The following ZNF184 variants were observed in gnomAD, a reference collection of about 807,000 sequenced individuals.
ZNF184 encodes zinc finger protein 184 (Kruppel-like).
Under a neutral mutation model 54.4 loss-of-function variants are expected in ZNF184, and 16 were observed. The ratio of observed to expected loss-of-function variants is 0.29; its 90% CI spans 0.20 to 0.45. The LOEUF is 0.45. Among genes scored for constraint, ZNF184 ranks in the 20% least tolerant of loss-of-function variants. The pLI is 1.00. For missense variants in ZNF184, 681 were observed against 888.2 expected, an observed-to-expected ratio of 0.77 and a Z score of 2.97; for synonymous variants, 254 against 295.3, an observed-to-expected ratio of 0.86 and a Z score of 1.43.
At chr6:27,420,694 G>A in the ZNF184 span, among the ~76,000 whole-genome samples, 122 of 152,284 alleles carry the variant, frequency 8.0e-4, no homozygotes, top group African/African-American at 2.9e-3. Flanking sequence ...ATTCATTGCC[G>A]GTAGAGATGC....
chr6:27,462,707 G>C (rs7764634), intron 3 of ZNF184, among the ~76,000 whole-genome samples: 1 of 150,272 alleles, frequency 6.7e-6, no homozygotes, highest in Non-Finnish European at 1.5e-5. Context: ...TACTAAAAGT[G>C]CAAAAAAATT....
At chr6:27,465,170 AAAAGAAAAG>A (rs1315624911) in intron 3 of ZNF184, among the ~76,000 whole-genome samples, 7 of 138,890 alleles carry the variant, frequency 5.0e-5, no homozygotes, top group African/African-American at 1.7e-4. Context: ...ATTTAAAAAA[AAAAGAAAAG>A]AAAAGAAAAG....
chr6:27,411,330 G>A, the ZNF184 span, among the ~76,000 whole-genome samples: 1 of 152,150 alleles, frequency 6.6e-6, no homozygotes, highest in Non-Finnish European at 1.5e-5. Context: ...CCACAATGGG[G>A]ATTAAGTTTC....
chr6:27,456,214 C>G (rs112037188), intron 5 of ZNF184, among the ~76,000 whole-genome samples: 1 of 151,438 alleles, frequency 6.6e-6, no homozygotes, highest in African/African-American at 2.4e-5. Flanking sequence ...GCCAAGATTA[C>G]GCCACTGCAC....
the ZNF184 span, among the ~76,000 whole-genome samples, chr6:27,415,123 C>G: frequency 1.3e-5 from 2 of 152,202 alleles, no homozygotes; most frequent in Non-Finnish European, 2.9e-5. Flanking sequence ...GTTGTAATCT[C>G]AGGCTATTGA....
Position 27,451,733 on chromosome 6 carries a change from G to A in ZNF184, c.1826C>T (p.Thr609Ile). The part of the protein sequence containing the change: ...IHLTQHKRIH[T>I]GAKPYECAEC... ...AGCACACTCATAAGGCTTGGCTCCT[G>A]TATGAATTCTCTTATGCTGTGTAAG... The change falls in exon 6 of 6, where the codon ACA (threonine) becomes ATA (isoleucine). Residue 609 changes from threonine to isoleucine, a missense_variant. By Grantham distance (89) the Thr-to-Ile change is moderately conservative. Coordinates refer to ENST00000683788, the MANE Select transcript of ZNF184 (RefSeq NM_001318891.2). 1 of 1,613,940 alleles carries A rather than the reference G, an allele frequency of 6.2e-7. No homozygotes were observed. Among genetic ancestry groups the A allele is most frequent in the Non-Finnish European group, 8.5e-7 (1 of 1,179,918 alleles).
intron 5 of ZNF184, 133 bp downstream of exon 5, chr6:27,456,693 G>T (rs759980065): frequency 2.2e-5 from 16 of 740,884 alleles, no homozygotes; most frequent in Middle Eastern, 2.4e-4. Flanking sequence ...CCAGAAAACA[G>T]ATGTTTTCCC....
At chr6:27,420,210 T>C in the ZNF184 span, among the ~76,000 whole-genome samples, 4 of 152,190 alleles carry the variant, frequency 2.6e-5, no homozygotes, top group African/African-American at 7.2e-5. Context: ...ATTATAATAT[T>C]CCCAGGTACC....
chr6:27,448,764 CT>C (rs10603749), downstream of ZNF184, among the ~76,000 whole-genome samples: 85,837 of 150,070 alleles, frequency 0.57, 24,832 homozygotes, highest in Middle Eastern at 0.73. Context: ...AATGCATTTC[CT>C]TTTTTTTTTT....
the ZNF184 span, among the ~76,000 whole-genome samples, chr6:27,424,353 G>C: frequency 6.6e-6 from 1 of 152,140 alleles, no homozygotes; most frequent in Non-Finnish European, 1.5e-5. Flanking sequence ...CTTCCACAGG[G>C]TACAAGGAAA....
intron 3 of ZNF184, among the ~76,000 whole-genome samples, chr6:27,461,151 G>A (rs1036755198): frequency 6.6e-5 from 10 of 152,156 alleles, no homozygotes; most frequent in African/African-American, 2.4e-4. Context: ...AGGCCAATGT[G>A]ATCAGCAACC....
chr6:27,436,813 C>G, the ZNF184 span, among the ~76,000 whole-genome samples: 7,321 of 152,212 alleles, frequency 0.048, 255 homozygotes, highest in Non-Finnish European at 0.072. Flanking sequence ...GGATCGTGAC[C>G]AGCTCAGTAC....
At chr6:27,422,952 C>T in the ZNF184 span, among the ~76,000 whole-genome samples, 1 of 152,218 alleles carries the variant, frequency 6.6e-6, no homozygotes, top group Non-Finnish European at 1.5e-5. Flanking sequence ...GGTCCCGCAT[C>T]CCCTTTAATA....
chr6:27,419,703 A>G, the ZNF184 span, among the ~76,000 whole-genome samples: 2 of 95,556 alleles, frequency 2.1e-5, no homozygotes, highest in African/African-American at 6.6e-5. This position sits in a 1 kb window ranked among gnomAD's most constrained non-coding sequence, Gnocchi z 4.8. Context: ...CTCCACAACA[A>G]TCTTACAGCA....
chr6:27,465,752 T>C (rs1561842257), intron 3 of ZNF184, among the ~76,000 whole-genome samples: 2 of 152,006 alleles, frequency 1.3e-5, no homozygotes, highest in African/African-American at 4.8e-5. Flanking sequence ...TTTGCGAAAA[T>C]TGGTAAAACA....
At chr6:27,456,246 A>T (rs1762850724) in intron 5 of ZNF184, among the ~76,000 whole-genome samples, 1 of 139,948 alleles carries the variant, frequency 7.1e-6, no homozygotes, top group Admixed American at 7.7e-5. Context: ...CAACAGAATG[A>T]GACTTTGTTT....
chr6:27,432,070 G>T, the ZNF184 span, among the ~76,000 whole-genome samples: 16 of 152,114 alleles, frequency 1.1e-4, no homozygotes, highest in Non-Finnish European at 2.4e-4. The surrounding 1 kb of genome is among the most constrained non-coding windows in gnomAD (Gnocchi z 4.0). Context: ...CCCATGCAAG[G>T]CAGGGCTTAC....
At chr6:27,437,237 G>A in the ZNF184 span, among the ~76,000 whole-genome samples, 2 of 152,256 alleles carry the variant, frequency 1.3e-5, no homozygotes, top group African/African-American at 4.8e-5. Context: ...TTATCCTGCT[G>A]GGCCTAACCT....
chr6:27,453,342 A>G lies in ZNF184; in HGVS notation c.299-82T>C, dbSNP rs1367677123. On this transcript the variant is annotated intron_variant, in intron 5 of 5. Coordinates refer to ENST00000683788, the MANE Select transcript of ZNF184 (RefSeq NM_001318891.2). This position sits in a 1 kb window ranked among gnomAD's most constrained non-coding sequence, Gnocchi z 4.7. ...TGTGGGAATAATATAATGATACTGA[A>G]AAATAAATCTCTCAGAAAATTCTAA... The G allele has an allele frequency of 1.3e-5, 17 of 1,320,744 alleles. No homozygotes were observed. Among genetic ancestry groups the G allele is most frequent in the Non-Finnish European group, 1.2e-5 (12 of 999,188 alleles). The allele number at this position is 1,320,744 out of a possible 1,614,324, so 81.8% of individuals were successfully genotyped here. A position where few individuals can be genotyped will look rare whatever the true frequency, so the allele number is the denominator to read the frequency against.
Sources: gnomAD v4.1 joint callset for allele counts (sites outside exome capture counted in the v4.1 genomes callset) on GRCh38, gnomAD v4.1.1 for gene constraint, Gnocchi (gnomAD v3.1) non-coding constraint, MANE v1.5 for transcripts, NCBI Gene and HGNC (gene_info 2026-07-23, HGNC 2026-07-21) for gene names.